CENPO: variants seen among roughly 807,000 people sequenced by gnomAD.
CENPO encodes the protein centromeric protein O.
Under a neutral mutation model 36.1 loss-of-function variants are expected in CENPO, and 30 were observed. That is an observed-to-expected ratio of 0.83 (90% CI 0.62 to 1.13). The LOEUF (loss-of-function observed/expected upper bound fraction) is 1.13. Ranked by LOEUF, CENPO falls within the 50% of genes most tolerant of loss-of-function variation. The pLI, the probability that CENPO is intolerant of heterozygous loss-of-function variation, is 0.00. For synonymous variants in CENPO, 171 were observed against 142.3 expected, an observed-to-expected ratio of 1.20 and a Z score of -1.44; for missense variants, 349 against 357.8, an observed-to-expected ratio of 0.98 and a Z score of 0.20.
At chr2:24,802,403 G>A (rs1342947930) in intron 3 of CENPO, among the ~76,000 whole-genome samples, 13 of 152,112 alleles carry the variant, frequency 8.5e-5, no homozygotes, top group African/African-American at 3.1e-4. Flanking sequence ...CCTGTCTTGT[G>A]CCAGTTTTCA....
At chr2:24,808,628 C>T (rs886668099) in intron 3 of CENPO, among the ~76,000 whole-genome samples, 1 of 152,098 alleles carries the variant, frequency 6.6e-6, no homozygotes, top group African/African-American at 2.4e-5. Flanking sequence ...TGTTTTCTCC[C>T]TTATTTTATT....
rs183446789 is a variant in CENPO at position 24,821,022 on chromosome 2, G to A, written c.*1704G>A. 1.6e-4 allele frequency: 148 copies of A among 933,446 alleles called. 3 individuals carry two copies. In the Admixed American group the frequency reaches 3.3e-3, roughly 20 times the overall value. 57.8% of individuals were successfully genotyped at this position (933,446 alleles called of 1,614,324 possible). A position where few individuals can be genotyped will look rare whatever the true frequency, so the allele number is the denominator to read the frequency against. Reference sequence around the variant, plus strand: ...TGGAAATCACATCTCCTGTTTATCCGTGTGCTTGTTAGGTGTCAGCCGCCA... The same window carrying A: ...TGGAAATCACATCTCCTGTTTATCCATGTGCTTGTTAGGTGTCAGCCGCCA... On this transcript the variant is annotated 3_prime_UTR_variant, in exon 8 of 8. Transcript: ENST00000380834.
intron 3 of CENPO, among the ~76,000 whole-genome samples, chr2:24,810,785 G>T (rs1666640516): frequency 6.6e-6 from 1 of 151,966 alleles, no homozygotes; most frequent in African/African-American, 2.4e-5. Context: ...TGGGATTACA[G>T]GTGTGAACCA....
intron 6 of CENPO, among the ~76,000 whole-genome samples, 161 bp downstream of exon 6, chr2:24,816,978 C>T (rs1172121869): frequency 6.6e-6 from 1 of 152,176 alleles, no homozygotes; most frequent in East Asian, 1.9e-4. Context: ...TTGTTTCTAC[C>T]AGTCTTTTCC....
chr2:24,815,413 C>T (rs1156868664), intron 4 of CENPO, 84 bp from the exon 5 acceptor site: 1 of 980,750 alleles, frequency 1.0e-6, no homozygotes, highest in Non-Finnish European at 1.6e-6. Flanking sequence ...ATATTCTAGG[C>T]ACTGTGGAAG....
chr2:24,815,491 C>T lies in CENPO; in HGVS notation c.335-6C>T, dbSNP rs963038038. ...GTCTATTGAGGTGTCTTCTTGTTTG[C>T]CTCAGGCCTCAGTGGTAAACTGACC... On this transcript the variant is annotated splice_polypyrimidine_tract_variant and splice_region_variant and intron_variant, in intron 4 of 7. Transcript: ENST00000380834. 3.7e-6 allele frequency: 6 copies of T among 1,613,220 alleles called. No individual in the cohort carries two copies. The African/African-American group carries it at 6.7e-5, about 18-fold the overall frequency.
At position 24,815,705 on chromosome 2, in the gene CENPO, C is replaced by G; in HGVS notation, c.543C>G (p.Cys181Trp). 1.2e-6 allele frequency: 2 copies of G among 1,613,954 alleles called. No individual in the cohort carries two copies. The highest frequency in any genetic ancestry group is 1.7e-6 in the Non-Finnish European group (2 of 1,179,858). The change falls in exon 5 of 8, where the codon TGC becomes TGG. Residue 181 changes from cysteine (C) to tryptophan (W), a missense_variant. Coordinates refer to ENST00000380834, the MANE Select transcript of CENPO (RefSeq NM_001322101.2). ...TCCAGCACTTCCTGTTCAGTCTCTG[C>G]GAGTACCTGAATGCTTACTCTGGGA... ...TNIQHFLFSL[C>W]EYLNAYSGRK... is the part of the protein sequence containing the mutation.
At chr2:24,810,584 T>A (rs1489787833) in intron 3 of CENPO, among the ~76,000 whole-genome samples, 1 of 148,846 alleles carries the variant, frequency 6.7e-6, no homozygotes, top group African/African-American at 2.5e-5. Flanking sequence ...CTTGGCTCAC[T>A]GGAACCTCTG....
At chr2:24,805,607 C>T (rs1666365177) in intron 3 of CENPO, among the ~76,000 whole-genome samples, 1 of 152,170 alleles carries the variant, frequency 6.6e-6, no homozygotes, top group African/African-American at 2.4e-5. Context: ...CGCTGTTTGC[C>T]TGGGTATCAG....
chr2:24,796,249 G>A (rs2148247856), intron 2 of CENPO, among the ~76,000 whole-genome samples: 1 of 152,286 alleles, frequency 6.6e-6, no homozygotes, highest in African/African-American at 2.4e-5. Flanking sequence ...AGCTAATTGG[G>A]AGGCTGAAGC....
intron 3 of CENPO, among the ~76,000 whole-genome samples, chr2:24,803,013 A>G (rs1398391768): frequency 2.0e-5 from 3 of 152,084 alleles, no homozygotes; most frequent in African/African-American, 7.2e-5. Flanking sequence ...AGAGCCTGTT[A>G]TTGGTCTATT....
chr2:24,798,397 G>A (rs543432675), intron 2 of CENPO, among the ~76,000 whole-genome samples: 2 of 152,264 alleles, frequency 1.3e-5, no homozygotes, highest in South Asian at 4.1e-4. Flanking sequence ...GAGAAAGCAA[G>A]GGGATAGGCC....
intron 2 of CENPO, among the ~76,000 whole-genome samples, chr2:24,798,427 A>G (rs1266121764): frequency 1.3e-5 from 2 of 151,974 alleles, no homozygotes; most frequent in Non-Finnish European, 2.9e-5. Flanking sequence ...AAAATAGGAT[A>G]ATTCTGCATA....
chr2:24,819,435 A>G lies in CENPO; in HGVS notation c.*117A>G, dbSNP rs916118210. 2.6e-5 allele frequency: 4 copies of G among 153,116 alleles called. No individual in the cohort carries two copies. Among genetic ancestry groups the G allele is most frequent in the African/African-American group, 7.2e-5 (3 of 41,486 alleles). The allele number at this position is 153,116 out of a possible 1,614,324, so 9.5% of individuals were successfully genotyped here. On this transcript the variant is annotated 3_prime_UTR_variant, in exon 8 of 8. Coordinates refer to ENST00000380834, the MANE Select transcript of CENPO (RefSeq NM_001322101.2). ...TGACTAAGGGGACAGGAGTTCCAGA[A>G]GAACCTTTCAAGATGATCAGGAACA...
intron 6 of CENPO, 50 bp downstream of exon 6, chr2:24,816,867 G>GT: frequency 6.6e-7 from 1 of 1,509,704 alleles, no homozygotes; most frequent in African/African-American, 1.4e-5. Flanking sequence ...GTTTATTTGA[G>GT]TGAAACAGGG....
intron 5 of CENPO, 174 bp from the exon 6 acceptor site, chr2:24,816,472 A>T (rs371110425): frequency 3.4e-6 from 2 of 595,840 alleles, no homozygotes; most frequent in East Asian, 5.8e-5. Flanking sequence ...ACTCTTAGTT[A>T]TCTTAGGCAT....
chr2:24,821,839 A>G lies in CENPO; in HGVS notation c.*2521A>G. On this transcript the variant is annotated 3_prime_UTR_variant, in exon 8 of 8. Coordinates refer to ENST00000380834, the MANE Select transcript of CENPO (RefSeq NM_001322101.2). ...CAAAGTTCACGTAGCAGGTCTAGGCAAAGACTGGGCAATTGAGCAGAGGAG... is the reference window on the plus strand; with the variant it reads ...CAAAGTTCACGTAGCAGGTCTAGGCGAAGACTGGGCAATTGAGCAGAGGAG... 1 of 697,834 alleles carries G rather than the reference A, an allele frequency of 1.4e-6. No homozygotes were observed. 43.2% of individuals were successfully genotyped at this position (697,834 alleles called of 1,614,324 possible).
At chr2:24,796,133 A>C (rs1665888874) in intron 2 of CENPO, among the ~76,000 whole-genome samples, 1 of 151,974 alleles carries the variant, frequency 6.6e-6, no homozygotes, top group South Asian at 2.1e-4. Context: ...AAGCGGGTGG[A>C]TCACAAGGTC....
intron 2 of CENPO, among the ~76,000 whole-genome samples, chr2:24,796,681 A>G (rs1010419810): frequency 2.0e-5 from 3 of 152,134 alleles, no homozygotes; most frequent in Non-Finnish European, 4.4e-5. Context: ...AAACTATAGT[A>G]TTGTCTCAGA....
Sources: allele counts gnomAD v4.1 joint callset (sites outside exome capture counted in the v4.1 genomes callset), GRCh38; gene constraint gnomAD v4.1.1; transcripts MANE v1.5; gene names NCBI Gene and HGNC (gene_info 2026-07-23, HGNC 2026-07-21).